Variants in ZFHX3 observed in about 807,000 individuals in gnomAD.
ZFHX3 encodes the protein zinc finger homeobox 3.
ZFHX3 carries 42 observed loss-of-function variants against 279.1 expected under a neutral mutation model. The observed-to-expected ratio is 0.15, with a 90% confidence interval of 0.12 to 0.19. ZFHX3 has a LOEUF of 0.19. ZFHX3 is among the 10% of genes least tolerant of loss of function. The pLI is 1.00. For synonymous variants in ZFHX3, 2,293 were observed against 1,957.8 expected, an observed-to-expected ratio of 1.17 and a Z score of -4.52; for missense variants, 4,981 against 4,754.0, an observed-to-expected ratio of 1.05 and a Z score of -1.40.
intron 1 of ZFHX3, among the ~76,000 whole-genome samples, chr16:73,756,994 A>C (rs1378796394): frequency 6.6e-6 from 1 of 152,140 alleles, no homozygotes; most frequent in East Asian, 1.9e-4. Context: ...GTAAGAGTGC[A>C]AGAGGGAATG....
chr16:73,006,626 GAAAAGAAAA>G (rs1597082623), intron 1 of ZFHX3, among the ~76,000 whole-genome samples: 1 of 144,266 alleles, frequency 6.9e-6, no homozygotes, highest in Non-Finnish European at 1.5e-5. Flanking sequence ...AGAAAAGAAA[GAAAAGAAAA>G]AAAAGAAAGA....
intron 1 of ZFHX3, among the ~76,000 whole-genome samples, chr16:73,045,804 G>C (rs1457013742): frequency 8.1e-6 from 1 of 122,946 alleles, no homozygotes; most frequent in Non-Finnish European, 1.7e-5. Context: ...AAAAAAAAAA[G>C]TGGGGGGGGG....
In ZFHX3 at chr16:72,784,796, CAATT is replaced by C. The variant is rs554125429; in HGVS notation, c.*2364_*2367del. The C allele has an allele frequency of 4.6e-4, 70 of 151,888 alleles. No individual in the cohort carries two copies. Among genetic ancestry groups the C allele is most frequent in the African/African-American group, 1.2e-3 (49 of 41,218 alleles). The allele number at this position is 151,888 out of a possible 1,614,324, so 9.4% of individuals were successfully genotyped here. ...CTTTAGTATTTCTACTTAAAAAAAA[CAATT>C]AAAAAAGGAATTTGCACTGTGCATC... On this transcript the variant is annotated 3_prime_UTR_variant, in exon 10 of 10. Coordinates refer to ENST00000268489, the MANE Select transcript of ZFHX3 (RefSeq NM_006885.4).
chr16:73,485,504 C>G (rs2018958492), intron 2 of ZFHX3, among the ~76,000 whole-genome samples: 1 of 151,338 alleles, frequency 6.6e-6, no homozygotes, highest in African/African-American at 2.4e-5. Context: ...GATGAAAATA[C>G]TCTACCATTT....
intron 2 of ZFHX3, among the ~76,000 whole-genome samples, chr16:73,478,264 CA>C (rs1162656010): frequency 0.17 from 10,155 of 61,484 alleles, 322 homozygotes; most frequent in Admixed American, 0.29. Context: ...GACTCCATCT[CA>C]AAAAAAAAAA....
chr16:73,805,660 A>G (rs1960257719), intron 1 of ZFHX3, among the ~76,000 whole-genome samples: 1 of 152,276 alleles, frequency 6.6e-6, no homozygotes, highest in Non-Finnish European at 1.5e-5. Flanking sequence ...CCAATGATGT[A>G]CAGGGCACTG....
intron 1 of ZFHX3, among the ~76,000 whole-genome samples, chr16:73,695,168 G>T (rs1454698391): frequency 2.6e-5 from 4 of 151,968 alleles, no homozygotes; most frequent in Non-Finnish European, 5.9e-5. Flanking sequence ...AGCCCTTTTA[G>T]CCAAATATAT....
intron 7 of ZFHX3, among the ~76,000 whole-genome samples, chr16:73,113,793 C>CTTTTTTTT (rs71391487): frequency 1.5e-4 from 15 of 102,990 alleles, no homozygotes; most frequent in East Asian, 2.8e-4. Flanking sequence ...TTTTTGGAAA[C>CTTTTTTTT]TTTTTTTTTT....
intron 2 of ZFHX3, among the ~76,000 whole-genome samples, chr16:73,644,281 C>G (rs1026724026): frequency 1.1e-4 from 16 of 151,930 alleles, no homozygotes; most frequent in African/African-American, 3.4e-4. Context: ...GCACATCTCC[C>G]TTTGGTTATC....
rs749013644 is a variant in ZFHX3 at position 72,796,335 on chromosome 16, G to A, written c.6347C>T (p.Pro2116Leu). Reference protein sequence around the residue: ...PLQTLPAQLPPQLGPVEPLPA... With the variant: ...PLQTLPAQLPLQLGPVEPLPA... ...CAGAGGCTCCACAGGTCCCAGCTGC[G>A]GGGGTAGCTGAGCCGGCAAGGTCTG... Residue 2116 changes from proline (P) to leucine (L), a missense_variant, in exon 9 of 10, where the codon CCG (proline) becomes CTG (leucine). Transcript: ENST00000268489. 11 of 1,613,942 alleles carry A rather than the reference G, an allele frequency of 6.8e-6. No homozygotes were observed. The highest frequency in any genetic ancestry group is 4.5e-5 in the East Asian group (2 of 44,882).
chr16:73,067,367 C>T (rs1965768805), intron 8 of ZFHX3, among the ~76,000 whole-genome samples: 1 of 152,118 alleles, frequency 6.6e-6, no homozygotes, highest in Non-Finnish European at 1.5e-5. Context: ...CAGTGGTGCG[C>T]GCTGCCACGG....
intron 1 of ZFHX3, among the ~76,000 whole-genome samples, chr16:73,877,201 TCG>T (rs1491393722): frequency 1.9e-5 from 2 of 105,584 alleles, no homozygotes; most frequent in African/African-American, 7.2e-5. Flanking sequence ...GGGGGTTAGG[TCG>T]GGGGGGGGTC....
intron 3 of ZFHX3, among the ~76,000 whole-genome samples, chr16:73,392,126 AAACAGCAGC>A (rs1172431418): frequency 7.9e-5 from 12 of 152,076 alleles, no homozygotes; most frequent in African/African-American, 2.9e-4. Flanking sequence ...AAAAATCAAG[AAACAGCAGC>A]AAGGCCAGGC....
chr16:72,818,002 C>T lies in ZFHX3; in HGVS notation c.3530-5964G>A, dbSNP rs184537859. On this transcript the variant is annotated intron_variant, in intron 5 of 9. Transcript: ENST00000268489. ...CTTTCCGTAAGCCAGAGGTTCTCAT[C>T]GCCTTACATTCCGTAAACCAGCTTG... Among the ~76,000 whole-genome samples the T allele has an allele frequency of 4.6e-5, 7 of 152,316 alleles. No individual in the cohort carries two copies. The East Asian group carries it at 1.2e-3, about 25-fold the overall frequency.
At chr16:72,813,103 C>G (rs2036509730) in intron 5 of ZFHX3, among the ~76,000 whole-genome samples, 1 of 152,006 alleles carries the variant, frequency 6.6e-6, no homozygotes, top group African/African-American at 2.4e-5. Flanking sequence ...ATAACCTGGT[C>G]AATATCTGAG....
chr16:73,109,704 C>A (rs774275906), intron 7 of ZFHX3, among the ~76,000 whole-genome samples: 4 of 152,114 alleles, frequency 2.6e-5, no homozygotes, highest in Non-Finnish European at 5.9e-5. Flanking sequence ...CAAAAATTAG[C>A]TGAGTATGGT....
chr16:72,893,229 G>C (rs1440886266), intron 3 of ZFHX3, among the ~76,000 whole-genome samples: 1 of 152,174 alleles, frequency 6.6e-6, no homozygotes, highest in Non-Finnish European at 1.5e-5. Context: ...AAGAGATTTT[G>C]GAGGTAGAAT....
At position 73,174,901 on chromosome 16, in the gene ZFHX3, G is replaced by T. The variant is rs139653346; in HGVS notation, c.-1103-31070C>A. Among the ~76,000 whole-genome samples, 950 of 149,806 alleles carry T rather than the reference G, an allele frequency of 6.3e-3. 10 individuals are homozygous for T. The highest frequency in any genetic ancestry group is 0.022 in the African/African-American group (899 of 40,474). On this transcript the variant is annotated intron_variant, in intron 5 of 17. Coordinates refer to the ZFHX3 transcript ENST00000641206. ...AAAAAAAAATTAGCCAGGCATGGCG[G>T]CACATGCTTGCAATCCCAGCTACTC...
chr16:73,045,720 TTCA>T, intron 1 of ZFHX3, among the ~76,000 whole-genome samples: 1 of 146,424 alleles, frequency 6.8e-6, no homozygotes, highest in East Asian at 2.0e-4. Context: ...TAGTTCCCTG[TTCA>T]TCAACACTGT....
Sources: allele counts gnomAD v4.1 joint callset (sites outside exome capture counted in the v4.1 genomes callset), GRCh38; gene constraint gnomAD v4.1.1; transcripts MANE v1.5; gene names NCBI Gene and HGNC (gene_info 2026-07-23, HGNC 2026-07-21).